Variants in CTNNA2 observed in about 807,000 individuals in gnomAD.
CTNNA2 encodes catenin alpha-2.
CTNNA2 carries 42 observed loss-of-function variants against 101.0 expected under a neutral mutation model. That is an observed-to-expected ratio of 0.42 (90% CI 0.32 to 0.54). CTNNA2 has a LOEUF of 0.54. Ranked by LOEUF, CTNNA2 falls within the 20% of genes least tolerant of loss-of-function variation. CTNNA2 has a pLI of 0.14. For synonymous variants in CTNNA2, 450 were observed against 456.4 expected, an observed-to-expected ratio of 0.99 and a Z score of 0.18; for missense variants, 871 against 1,223.1, an observed-to-expected ratio of 0.71 and a Z score of 4.29.
At chr2:80,532,665 G>A (rs1055680655) in intron 9 of CTNNA2, among the ~76,000 whole-genome samples, 3 of 152,126 alleles carry the variant, frequency 2.0e-5, no homozygotes, top group African/African-American at 7.2e-5. Context: ...ACTATTTGTG[G>A]TTTCAGGTAT....
intron 3 of CTNNA2, among the ~76,000 whole-genome samples, chr2:79,751,666 A>G (rs115564971): frequency 0.046 from 6,938 of 151,626 alleles, 193 homozygotes; most frequent in South Asian, 0.096. Flanking sequence ...CAGATAGGGA[A>G]AAGTATAGAC....
intron 7 of CTNNA2, among the ~76,000 whole-genome samples, chr2:80,207,872 A>G (rs2149029699): frequency 6.6e-6 from 1 of 152,280 alleles, no homozygotes; most frequent in Admixed American, 6.5e-5. Flanking sequence ...GGGAGCAACT[A>G]AGAAAGGGAG....
chr2:79,882,472 T>C (rs1253872376), intron 6 of CTNNA2, among the ~76,000 whole-genome samples: 1 of 152,196 alleles, frequency 6.6e-6, no homozygotes, highest in Non-Finnish European at 1.5e-5. Flanking sequence ...GGCTCAGGCC[T>C]GAAGAGGCAC....
intron 13 of CTNNA2, 44 bp downstream of exon 13, chr2:80,574,358 T>C (rs1044426681): frequency 6.6e-7 from 1 of 1,513,602 alleles, no homozygotes; most frequent in Non-Finnish European, 8.9e-7. Context: ...GATCTCCTAG[T>C]AGGAAACTAA....
intron 7 of CTNNA2, among the ~76,000 whole-genome samples, chr2:80,130,323 T>C (rs1421686115): frequency 1.3e-5 from 2 of 152,212 alleles, no homozygotes; most frequent in African/African-American, 4.8e-5. Context: ...CTGCAGGCTT[T>C]ACTGTTTCTC....
At chr2:79,413,036 A>C (rs1213052469) in intron 4 of CTNNA2, among the ~76,000 whole-genome samples, 2 of 152,086 alleles carry the variant, frequency 1.3e-5, no homozygotes, top group African/African-American at 4.8e-5. Context: ...AATTTGTCTT[A>C]AGTCTTTCAG....
chr2:80,220,052 A>G (rs187293933), intron 7 of CTNNA2, among the ~76,000 whole-genome samples: 2 of 152,344 alleles, frequency 1.3e-5, no homozygotes, highest in East Asian at 3.9e-4. Context: ...GTGCAATTGC[A>G]TCCCTTTAAT....
chr2:79,601,098 G>A (rs912847285), intron 1 of CTNNA2, among the ~76,000 whole-genome samples: 1 of 152,170 alleles, frequency 6.6e-6, no homozygotes, highest in Non-Finnish European at 1.5e-5. Flanking sequence ...AGGATAAAGA[G>A]AAAGAATAGT....
intron 7 of CTNNA2, among the ~76,000 whole-genome samples, chr2:80,007,193 C>A (rs547072961): frequency 6.6e-6 from 1 of 152,210 alleles, no homozygotes; most frequent in East Asian, 1.9e-4. Flanking sequence ...GGGATGGTTA[C>A]ATCTAGCTTA....
chr2:80,067,812 T>G (rs1413764832), intron 7 of CTNNA2, among the ~76,000 whole-genome samples: 2 of 152,126 alleles, frequency 1.3e-5, no homozygotes, highest in Non-Finnish European at 2.9e-5. Context: ...TGTGCAGACT[T>G]CCATGTGTCT....
intron 7 of CTNNA2, among the ~76,000 whole-genome samples, chr2:80,011,688 T>A (rs557063430): frequency 4.4e-4 from 67 of 152,344 alleles, no homozygotes; most frequent in Non-Finnish European, 7.9e-4. Context: ...TTTCATCAAG[T>A]CATCATCTTT....
chr2:80,162,922 G>A (rs898412004), intron 7 of CTNNA2: 6 of 1,553,798 alleles, frequency 3.9e-6, no homozygotes, highest in Non-Finnish European at 4.4e-6. Flanking sequence ...GTGGAGGTAG[G>A]GCTTGAATTT....
chr2:79,260,849 T>C (rs986154127), intron 2 of CTNNA2, among the ~76,000 whole-genome samples: 13 of 152,150 alleles, frequency 8.5e-5, no homozygotes, highest in Non-Finnish European at 1.3e-4. Context: ...GATTGACTCT[T>C]AAGCCAAATC....
At chr2:79,909,345 G>A (rs536642885) in intron 6 of CTNNA2, among the ~76,000 whole-genome samples, 7 of 152,312 alleles carry the variant, frequency 4.6e-5, no homozygotes, top group East Asian at 1.9e-4. Flanking sequence ...AAGCTCTTCC[G>A]TTGAGATAGC....
At chr2:80,141,275 G>A (rs183826009) in intron 7 of CTNNA2, among the ~76,000 whole-genome samples, 23 of 151,834 alleles carry the variant, frequency 1.5e-4, no homozygotes, top group Admixed American at 8.5e-4. Context: ...TTTGTCTCGC[G>A]GAGGCCACAA....
intron 7 of CTNNA2, among the ~76,000 whole-genome samples, chr2:80,352,600 T>G (rs1467566135): frequency 1.3e-5 from 2 of 152,162 alleles, no homozygotes; most frequent in Non-Finnish European, 2.9e-5. Context: ...GTAAATACTT[T>G]GCTTCTAAGA....
intron 7 of CTNNA2, among the ~76,000 whole-genome samples, chr2:80,102,691 T>C (rs942894179): frequency 1.3e-5 from 2 of 152,082 alleles, no homozygotes; most frequent in African/African-American, 2.4e-5. Flanking sequence ...TTTGTATTTT[T>C]AGTAGAGACG....
Position 80,647,861 on chromosome 2 carries a change from G to T in CTNNA2, c.2851G>T (p.Asp951Tyr). 3.1e-6 allele frequency: 5 copies of T among 1,602,284 alleles called. No individual in the cohort carries two copies. The highest frequency in any genetic ancestry group is 4.3e-6 in the Non-Finnish European group (5 of 1,172,710). ...GGCTTTAAGTGAATTCAAAGCAATG[G>T]ATTCCTTCTAGGACGATAGGTTTTA... Reference protein sequence around the residue: ...VQALSEFKAMDSF With the variant: ...VQALSEFKAMYSF The change falls in exon 19 of 19, where the codon GAT becomes TAT. Residue 951 changes from aspartate (D) to tyrosine (Y), a missense_variant. By Grantham distance (160) the Asp-to-Tyr change is radical. Transcript: ENST00000402739.
chr2:79,262,253 A>G (rs539595326), intron 2 of CTNNA2, among the ~76,000 whole-genome samples: 1 of 152,196 alleles, frequency 6.6e-6, no homozygotes, highest in Non-Finnish European at 1.5e-5. Context: ...GGGGAAAGGC[A>G]TGGTTATGCC....
Sources: allele counts gnomAD v4.1 joint callset (sites outside exome capture counted in the v4.1 genomes callset), GRCh38; gene constraint gnomAD v4.1.1; transcripts MANE v1.5; gene names NCBI Gene and HGNC (gene_info 2026-07-23, HGNC 2026-07-21).